Variants in RCC1L observed in about 807,000 individuals in gnomAD.
The protein encoded by RCC1L is RCC1-like G exchanging factor-like protein.
Under a neutral mutation model 58.6 loss-of-function variants are expected in RCC1L, and 46 were observed. The observed-to-expected ratio is 0.79, with a 90% CI of 0.62 to 1.00. RCC1L has a LOEUF of 1.00. Ranked by LOEUF, RCC1L falls within the 50% of genes least tolerant of loss-of-function variation. The probability of loss-of-function intolerance (pLI) is 0.00; values close to 1 mark genes in which losing one functional copy is unlikely to be tolerated. For synonymous variants in RCC1L, 281 were observed against 262.9 expected (o/e 1.07, Z -0.67); for missense variants, 636 against 623.6 (o/e 1.02, Z -0.21).
intron 10 of RCC1L, among the ~76,000 whole-genome samples, chr7:75,045,265 G>A (rs895548233): frequency 6.6e-6 from 1 of 151,826 alleles, no homozygotes; most frequent in African/African-American, 2.4e-5. Flanking sequence ...CTACAATGTC[G>A]AACTCCTGGG....
intron 10 of RCC1L, among the ~76,000 whole-genome samples, chr7:75,035,283 G>A (rs1052741905): frequency 2.6e-5 from 4 of 152,002 alleles, no homozygotes; most frequent in Admixed American, 6.6e-5. Flanking sequence ...CGCCCGCCTC[G>A]GCCTCCCAAA....
chr7:75,070,259 T>C (rs997119287), intron 2 of RCC1L, among the ~76,000 whole-genome samples: 1 of 152,186 alleles, frequency 6.6e-6, no homozygotes, highest in Admixed American at 6.6e-5. Flanking sequence ...TCTTTGTTTA[T>C]GTAACCATGT....
exon 11 of RCC1L, chr7:75,027,796 C>G (rs1417713977): frequency 1.4e-5 from 8 of 571,786 alleles, no homozygotes; most frequent in East Asian, 1.2e-4. Context: ...TCTCGGCGTT[C>G]TGTGTGTAGC....
At chr7:75,059,452 A>G (rs1806205088) in intron 6 of RCC1L, among the ~76,000 whole-genome samples, 1 of 151,738 alleles carries the variant, frequency 6.6e-6, no homozygotes, top group Non-Finnish European at 1.5e-5. Flanking sequence ...TGTATTTTTC[A>G]CAGAGATGCG....
At chr7:75,036,955 T>C (rs1805441526) in intron 10 of RCC1L, among the ~76,000 whole-genome samples, 1 of 152,030 alleles carries the variant, frequency 6.6e-6, no homozygotes, top group African/African-American at 2.4e-5. Flanking sequence ...CTGCTGGAGT[T>C]GTGGAACCAG....
chr7:75,037,503 CTTTT>C (rs1191475757), downstream of RCC1L, among the ~76,000 whole-genome samples: 6 of 116,714 alleles, frequency 5.1e-5, no homozygotes, highest in Admixed American at 9.0e-5. Flanking sequence ...TGGTTTATAT[CTTTT>C]TTTTTTTTTT....
At chr7:75,068,069 C>T (rs1806569700) in intron 2 of RCC1L, among the ~76,000 whole-genome samples, 1 of 152,192 alleles carries the variant, frequency 6.6e-6, no homozygotes, top group South Asian at 2.1e-4. Flanking sequence ...CCTGTAATCC[C>T]ACCACTTTGG....
chr7:75,034,172 G>A (rs1035330525), intron 10 of RCC1L, among the ~76,000 whole-genome samples: 5 of 152,208 alleles, frequency 3.3e-5, no homozygotes, highest in South Asian at 2.1e-4. Context: ...GAAGGAATGC[G>A]GTAGAAAAAG....
intron 10 of RCC1L, among the ~76,000 whole-genome samples, chr7:75,036,669 G>A (rs1272615277): frequency 1.3e-5 from 2 of 151,976 alleles, no homozygotes; most frequent in African/African-American, 4.8e-5. Flanking sequence ...CGAGGTGGGC[G>A]GATTACATGA....
At chr7:75,059,247 T>C (rs1158558540) in intron 6 of RCC1L, among the ~76,000 whole-genome samples, 1 of 150,596 alleles carries the variant, frequency 6.6e-6, no homozygotes, top group Non-Finnish European at 1.5e-5. Flanking sequence ...CCTAATCTGC[T>C]TAGTTGCATG....
At chr7:75,039,737 T>A (rs1805509852), downstream of RCC1L, among the ~76,000 whole-genome samples, 1 of 152,140 alleles carries the variant, frequency 6.6e-6, no homozygotes, top group Non-Finnish European at 1.5e-5. Context: ...AGTTGGTGTG[T>A]ATGGAGAATG....
At chr7:75,030,427 G>GGCGT (rs1488673413) in intron 10 of RCC1L, among the ~76,000 whole-genome samples, 2 of 152,136 alleles carry the variant, frequency 1.3e-5, no homozygotes, top group Non-Finnish European at 2.9e-5. Flanking sequence ...GAGAGGGTGG[G>GGCGT]GCGTCTCTGG....
intron 10 of RCC1L, among the ~76,000 whole-genome samples, chr7:75,034,152 A>G (rs1805379642): frequency 6.6e-6 from 1 of 152,198 alleles, no homozygotes; most frequent in Non-Finnish European, 1.5e-5. Context: ...TTATATCTTG[A>G]TGTTTTAAAG....
chr7:75,060,741 T>C (rs1806249243), intron 6 of RCC1L, among the ~76,000 whole-genome samples: 1 of 151,982 alleles, frequency 6.6e-6, no homozygotes, highest in South Asian at 2.1e-4. Context: ...TTCTCTCAGT[T>C]CATTTCTATG....
chr7:75,065,182 TTTTA>T (rs1306602862), intron 3 of RCC1L, among the ~76,000 whole-genome samples: 2 of 151,808 alleles, frequency 1.3e-5, no homozygotes, highest in African/African-American at 4.8e-5. Context: ...AACGTTTACT[TTTTA>T]ATTAAAAAAA....
chr7:75,042,834 C>T lies in RCC1L; in HGVS notation c.*198G>A. The T allele has an allele frequency of 6.9e-7, 1 of 1,447,102 alleles. No individual in the cohort carries two copies. Among genetic ancestry groups the T allele is most frequent in the Non-Finnish European group, 9.1e-7 (1 of 1,096,440 alleles). The allele number at this position is 1,447,102 out of a possible 1,614,324, so 89.6% of individuals were successfully genotyped here. A position where few individuals can be genotyped will look rare whatever the true frequency, so the allele number is the denominator to read the frequency against. ...CATCCAAGCTGAGTTCCGCAGGCCT[C>T]ACCTGCAGCTGGAGAGGGACCTTGC... On this transcript the variant is annotated 3_prime_UTR_variant, in exon 11 of 11. Coordinates refer to ENST00000610322, the MANE Select transcript of RCC1L (RefSeq NM_030798.5).
At chr7:75,028,107 T>C in intron 10 of RCC1L, 2 of 1,484,858 alleles carry the variant, frequency 1.3e-6, no homozygotes, top group Non-Finnish European at 1.8e-6. Context: ...GGGCTCTCTA[T>C]GATGTGGAAT....
At chr7:75,068,175 C>T (rs1196283471) in intron 2 of RCC1L, among the ~76,000 whole-genome samples, 5 of 151,368 alleles carry the variant, frequency 3.3e-5, no homozygotes, top group African/African-American at 1.2e-4. Flanking sequence ...CAAAATTAGC[C>T]AGGCATGGTG....
At chr7:75,033,794 G>A (rs991825186) in intron 10 of RCC1L, among the ~76,000 whole-genome samples, 5 of 152,020 alleles carry the variant, frequency 3.3e-5, no homozygotes, top group Admixed American at 6.6e-5. Flanking sequence ...GGAGTTGGAG[G>A]CTCCAGTGAG....
Sources: allele counts gnomAD v4.1 joint callset (sites outside exome capture counted in the v4.1 genomes callset), GRCh38; gene constraint gnomAD v4.1.1; transcripts MANE v1.5; gene names NCBI Gene and HGNC (gene_info 2026-07-23, HGNC 2026-07-21).